PARD3B: variants seen among roughly 807,000 people sequenced by gnomAD.
The protein encoded by PARD3B is partitioning defective 3 homolog B.
PARD3B carries 103 observed loss-of-function variants against 130.2 expected under a neutral mutation model. The ratio of observed to expected loss-of-function variants is 0.79; its 90% confidence interval spans 0.67 to 0.93. The LOEUF (loss-of-function observed/expected upper bound fraction) is 0.93. Ranked by LOEUF, PARD3B falls within the 40% of genes least tolerant of loss-of-function variation. The pLI is 0.00. For missense variants in PARD3B, 1,609 were observed against 1,499.2 expected (o/e 1.07, Z -1.21); for synonymous variants, 583 against 553.2 (o/e 1.05, Z -0.76).
intron 1 of PARD3B, among the ~76,000 whole-genome samples, chr2:204,613,506 A>T (rs2034002911): frequency 6.6e-6 from 1 of 150,640 alleles, no homozygotes; most frequent in Non-Finnish European, 1.5e-5. Context: ...TATTCTCAAG[A>T]CACACAGTTT....
chr2:205,255,186 G>A (rs1345711802), intron 16 of PARD3B, among the ~76,000 whole-genome samples: 1 of 149,040 alleles, frequency 6.7e-6, no homozygotes, highest in Admixed American at 6.6e-5. Context: ...GCTTTCTCAG[G>A]CAGGCTCTCT....
At chr2:204,693,133 C>T (rs941535417) in intron 2 of PARD3B, among the ~76,000 whole-genome samples, 4 of 151,986 alleles carry the variant, frequency 2.6e-5, no homozygotes, top group Non-Finnish European at 5.9e-5. Context: ...TCCTAGTCTC[C>T]CAGACTTGAA....
chr2:204,720,655 A>G (rs1385645734), intron 2 of PARD3B, among the ~76,000 whole-genome samples: 1 of 152,168 alleles, frequency 6.6e-6, no homozygotes, highest in African/African-American at 2.4e-5. Flanking sequence ...AACATTGTCT[A>G]CTTTTGATCA....
Position 205,325,793 on chromosome 2 carries a change from G to T in PARD3B, c.2630+24092G>T, listed in dbSNP as rs1409020649. ...GTAACTGGCTTCAGATAAGGTTATTGAATTTCATAGTCCATTATTTCAATT... is the reference window on the plus strand; with the variant it reads ...GTAACTGGCTTCAGATAAGGTTATTTAATTTCATAGTCCATTATTTCAATT... On this transcript the variant is annotated intron_variant, in intron 18 of 22. Coordinates refer to ENST00000406610, the MANE Select transcript of PARD3B (RefSeq NM_001302769.2). The surrounding 1 kb of genome is among the most constrained non-coding windows in gnomAD (Gnocchi z 4.1). Among the ~76,000 whole-genome samples, 1 of 152,060 alleles carries T rather than the reference G, an allele frequency of 6.6e-6. No individual in the cohort carries two copies. The highest frequency in any genetic ancestry group is 1.5e-5 in the Non-Finnish European group (1 of 68,022).
chr2:204,633,101 G>A (rs73984258), intron 1 of PARD3B, among the ~76,000 whole-genome samples: 4,170 of 152,258 alleles, frequency 0.027, 172 homozygotes, highest in East Asian at 0.13. Context: ...ATACCTAGCA[G>A]TGAGATTGCC....
At chr2:205,396,635 A>T (rs849228) in intron 18 of PARD3B, among the ~76,000 whole-genome samples, 139,754 of 152,260 alleles carry the variant, frequency 0.92, 64,185 homozygotes, top group East Asian at 0.97. Context: ...ACATGTAAAA[A>T]AAGATTTTAT....
At chr2:205,298,450 T>G (rs2041872100) in intron 16 of PARD3B, among the ~76,000 whole-genome samples, 1 of 151,892 alleles carries the variant, frequency 6.6e-6, no homozygotes. Flanking sequence ...CCTCAGTATT[T>G]ATGACTTGCA....
intron 4 of PARD3B, among the ~76,000 whole-genome samples, chr2:205,049,292 G>A (rs1220075934): frequency 6.6e-6 from 1 of 152,148 alleles, no homozygotes; most frequent in Non-Finnish European, 1.5e-5. Flanking sequence ...AATCATGGTG[G>A]AAGGGGAAGC....
intron 1 of PARD3B, among the ~76,000 whole-genome samples, chr2:204,603,755 A>G (rs1234685939): frequency 6.6e-6 from 1 of 152,164 alleles, no homozygotes; most frequent in African/African-American, 2.4e-5. Context: ...CTAGGCTTGT[A>G]AACCCAACAG....
At chr2:205,186,531 G>A (rs1373390626) in intron 14 of PARD3B, among the ~76,000 whole-genome samples, 3 of 152,086 alleles carry the variant, frequency 2.0e-5, no homozygotes, top group Non-Finnish European at 4.4e-5. Context: ...TAGAAACTGT[G>A]TATTTTATTC....
rs373871179 is a variant in PARD3B at position 204,776,625 on chromosome 2, G to T, written c.222+90343G>T. On this transcript the variant is annotated intron_variant, in intron 2 of 22. Transcript: ENST00000406610. ...TTTTTCCCCGAGACATGGCATAATT[G>T]TAAAACTTTGCCTTTTGTATAATAA... Among the ~76,000 whole-genome samples the T allele has an allele frequency of 4.3e-4, 65 of 151,794 alleles. 1 individual carries two copies. The East Asian group carries it at 0.012, about 28-fold the overall frequency.
chr2:205,237,663 G>A (rs561518755), intron 15 of PARD3B, among the ~76,000 whole-genome samples: 5 of 152,008 alleles, frequency 3.3e-5, no homozygotes, highest in Admixed American at 2.6e-4. Flanking sequence ...AGTATACTAC[G>A]TGAAGAACAA....
chr2:204,695,786 G>A (rs1417737974), intron 2 of PARD3B, among the ~76,000 whole-genome samples: 1 of 152,068 alleles, frequency 6.6e-6, no homozygotes, highest in Non-Finnish European at 1.5e-5. Flanking sequence ...TGTCAGAGAG[G>A]TTTGGAAGGG....
chr2:205,401,149 T>C, intron 19 of PARD3B, 26 bp downstream of exon 19: 1 of 1,517,774 alleles, frequency 6.6e-7, no homozygotes, highest in Non-Finnish European at 9.0e-7. Flanking sequence ...GAGACCTTCA[T>C]TTTCTTTGAC....
chr2:205,531,168 A>G (rs1440500385), intron 21 of PARD3B, among the ~76,000 whole-genome samples: 1 of 152,140 alleles, frequency 6.6e-6, no homozygotes, highest in Admixed American at 6.5e-5. Flanking sequence ...AATTTATACT[A>G]ATTAGTCTTT....
chr2:205,360,529 T>C (rs1328974306), intron 18 of PARD3B, among the ~76,000 whole-genome samples: 1 of 152,214 alleles, frequency 6.6e-6, no homozygotes, highest in East Asian at 1.9e-4. Flanking sequence ...CCCACTCTGG[T>C]TTATTGTGTA....
chr2:204,734,798 T>C (rs1304392574), intron 2 of PARD3B, among the ~76,000 whole-genome samples: 1 of 152,084 alleles, frequency 6.6e-6, no homozygotes, highest in African/African-American at 2.4e-5. Context: ...GTGGAAGTGT[T>C]TCTGTATCTT....
At chr2:205,510,745 G>A (rs534438625) in intron 21 of PARD3B, among the ~76,000 whole-genome samples, 55 of 152,266 alleles carry the variant, frequency 3.6e-4, no homozygotes, top group African/African-American at 1.3e-3. Context: ...CTTAAAATAG[G>A]AGGGTGAGAT....
At chr2:205,388,729 G>A (rs1035371720) in intron 18 of PARD3B, among the ~76,000 whole-genome samples, 2 of 152,004 alleles carry the variant, frequency 1.3e-5, no homozygotes, top group African/African-American at 4.8e-5. Context: ...CTTGTCTTTT[G>A]TTCAGGCCCC....
Sources: gnomAD v4.1 joint callset for allele counts (sites outside exome capture counted in the v4.1 genomes callset) on GRCh38, gnomAD v4.1.1 for gene constraint, Gnocchi (gnomAD v3.1) non-coding constraint, MANE v1.5 for transcripts, NCBI Gene and HGNC (gene_info 2026-07-23, HGNC 2026-07-21) for gene names.